MMS22L: variants seen among roughly 807,000 people sequenced by gnomAD.
MMS22L encodes MMS22 like, DNA repair protein, also known as protein MMS22-like.
In MMS22L, 74 loss-of-function variants were observed where a neutral mutation model predicts 159.1. That is an observed-to-expected ratio of 0.47 (90% CI 0.39 to 0.56). The LOEUF (loss-of-function observed/expected upper bound fraction) is 0.56. Among genes scored for constraint, MMS22L ranks in the 20% least tolerant of loss-of-function variants. The pLI, the probability that MMS22L is intolerant of heterozygous loss-of-function variation, is 0.00. For missense variants in MMS22L, 1,351 were observed against 1,422.1 expected (o/e 0.95, Z 0.80); for synonymous variants, 517 against 506.9 (o/e 1.02, Z -0.27).
chr6:97,180,068 T>C (rs1200628985), intron 16 of MMS22L, among the ~76,000 whole-genome samples: 1 of 152,110 alleles, frequency 6.6e-6, no homozygotes, highest in African/African-American at 2.4e-5. Flanking sequence ...TAATTATTTA[T>C]ATGAAGACAA....
chr6:97,171,353 T>A (rs1292433386), intron 19 of MMS22L, among the ~76,000 whole-genome samples: 1 of 152,196 alleles, frequency 6.6e-6, no homozygotes, highest in African/African-American at 2.4e-5. Flanking sequence ...ATGAGAGAGA[T>A]GATCAAGTCT....
intron 10 of MMS22L, among the ~76,000 whole-genome samples, chr6:97,248,685 C>A (rs1812920705): frequency 1.3e-5 from 2 of 152,000 alleles, no homozygotes; most frequent in East Asian, 3.9e-4. Flanking sequence ...CATGGTGAAA[C>A]CCCGTCTCTA....
rs71740630 is a variant in MMS22L at position 97,238,572 on chromosome 6, C to CGTGTGT, written c.1183-4598_1183-4593dup. On this transcript the variant is annotated intron_variant, in intron 11 of 24. Transcript: ENST00000683635. ...TATGGGCTCTCAGCGTGTCTCATCT[C>CGTGTGT]GTGTGTGTGTGTGTGTGTGTGTGTG... is the stretch of plus-strand genomic sequence containing the variant. Among the ~76,000 whole-genome samples, 372 of 91,530 alleles carry CGTGTGT rather than the reference C, an allele frequency of 4.1e-3. 1 individual carries two copies. The highest frequency in any genetic ancestry group is 0.014 in the South Asian group (36 of 2,646). 60.0% of individuals were successfully genotyped at this position (91,530 alleles called of 152,430 possible).
chr6:97,160,512 T>G (rs1802330918), intron 22 of MMS22L, among the ~76,000 whole-genome samples: 1 of 152,054 alleles, frequency 6.6e-6, no homozygotes, highest in African/African-American at 2.4e-5. Context: ...ATGAGTCATT[T>G]TTCTCTGGCT....
intron 15 of MMS22L, among the ~76,000 whole-genome samples, chr6:97,185,410 T>G (rs533022403): frequency 6.6e-6 from 1 of 152,310 alleles, no homozygotes; most frequent in Admixed American, 6.5e-5. Context: ...ATATTTTGCT[T>G]TCTATTTATA....
In MMS22L at chr6:97,231,532, A is replaced by G. The variant is rs1360366942; in HGVS notation, c.1423T>C (p.Tyr475His). ...ATAGTATAACTACTGCTGGATTTAT[A>G]TAGTTCCTGATCTTGTTTATCGCAA... The part of the protein sequence containing the change: ...CCCDKQDQEL[Y>H]KSSSSYTIFL... The change falls in exon 13 of 25, where the codon TAT becomes CAT. Residue 475 changes from tyrosine (Y) to histidine (H), a missense_variant. Physicochemically the swap from Tyr to His is moderately conservative, Grantham distance 83 (BLOSUM62 2). Transcript: ENST00000683635. 6.2e-7 allele frequency: 1 copy of G among 1,613,826 alleles called. No homozygotes were observed. The highest frequency in any genetic ancestry group is 8.5e-7 in the Non-Finnish European group (1 of 1,179,786).
intron 14 of MMS22L, among the ~76,000 whole-genome samples, chr6:97,207,235 T>C (rs922391175): frequency 1.1e-4 from 16 of 152,146 alleles, no homozygotes; most frequent in African/African-American, 3.9e-4. Flanking sequence ...CAAATGATTC[T>C]ATCAAGTTTG....
chr6:97,208,703 A>T (rs1808050787), intron 14 of MMS22L, among the ~76,000 whole-genome samples: 1 of 152,018 alleles, frequency 6.6e-6, no homozygotes, highest in Admixed American at 6.6e-5. Context: ...ATTCAGGGAG[A>T]CAGAACAGCA....
At chr6:97,150,119 A>G (rs1801175524) in intron 23 of MMS22L, 99 bp from the exon 24 acceptor site, 1 of 849,472 alleles carries the variant, frequency 1.2e-6, no homozygotes, top group African/African-American at 1.7e-5. Context: ...AACAAAGATC[A>G]TTTCATAAAA....
chr6:97,271,000 C>G (rs866900565), intron 6 of MMS22L: 1 of 151,942 alleles, frequency 6.6e-6, no homozygotes, highest in Non-Finnish European at 1.5e-5. Flanking sequence ...AGTCAGCTTA[C>G]TTGATGAAAA....
intron 15 of MMS22L, among the ~76,000 whole-genome samples, chr6:97,184,298 C>T (rs1230145079): frequency 1.3e-5 from 2 of 152,090 alleles, no homozygotes; most frequent in Admixed American, 6.6e-5. Flanking sequence ...AAGGAATACC[C>T]TAAGGCCCAG....
intron 11 of MMS22L, among the ~76,000 whole-genome samples, chr6:97,239,993 T>C (rs1811878883): frequency 1.3e-5 from 2 of 152,250 alleles, no homozygotes; most frequent in Non-Finnish European, 2.9e-5. Flanking sequence ...GGAAGATTTT[T>C]ATTTTGTTTA....
intron 10 of MMS22L, among the ~76,000 whole-genome samples, chr6:97,251,541 A>G (rs147144135): frequency 4.9e-4 from 75 of 152,322 alleles, no homozygotes; most frequent in African/African-American, 1.7e-3. Flanking sequence ...ACATGTGCAT[A>G]TACACATATA....
chr6:97,219,892 C>G (rs1178926606), intron 14 of MMS22L, among the ~76,000 whole-genome samples: 1 of 152,190 alleles, frequency 6.6e-6, no homozygotes, highest in Non-Finnish European at 1.5e-5. Context: ...CTACTAACTT[C>G]TGAAAACACT....
At chr6:97,259,163 T>A (rs114472325) in intron 9 of MMS22L, 77 of 152,322 alleles carry the variant, frequency 5.1e-4, no homozygotes, top group African/African-American at 1.8e-3. Context: ...AAAGGTAACA[T>A]CATCCTATAG....
chr6:97,178,329 A>C, intron 18 of MMS22L, 114 bp downstream of exon 18: 1 of 793,090 alleles, frequency 1.3e-6, no homozygotes, highest in Non-Finnish European at 1.9e-6. Flanking sequence ...GCAATCAATA[A>C]TATGATTCAA....
chr6:97,163,440 T>C (rs1802648831), intron 21 of MMS22L, among the ~76,000 whole-genome samples: 1 of 151,658 alleles, frequency 6.6e-6, no homozygotes, highest in Non-Finnish European at 1.5e-5. Context: ...CTTTCCTGAG[T>C]ATTAAAAAAA....
chr6:97,165,828 G>A (rs1255768316), intron 20 of MMS22L, among the ~76,000 whole-genome samples: 2 of 151,954 alleles, frequency 1.3e-5, no homozygotes, highest in Non-Finnish European at 2.9e-5. Context: ...TTTTTTTCTA[G>A]GTACTGGTTA....
chr6:97,259,407 C>T (rs907340005), intron 9 of MMS22L: 1 of 152,032 alleles, frequency 6.6e-6, no homozygotes, highest in Non-Finnish European at 1.5e-5. Context: ...AAGAGATGGC[C>T]CTCTCTAATA....
Sources: gnomAD v4.1 joint callset for allele counts (sites outside exome capture counted in the v4.1 genomes callset) on GRCh38, gnomAD v4.1.1 for gene constraint, MANE v1.5 for transcripts, NCBI Gene and HGNC (gene_info 2026-07-23, HGNC 2026-07-21) for gene names.